The following TOX3 variants were observed in gnomAD, a reference collection of about 807,000 sequenced individuals.
The protein encoded by TOX3 is TOX high mobility group box family member 3.
Under a neutral mutation model 64.3 loss-of-function variants are expected in TOX3, and 22 were observed. The ratio of observed to expected loss-of-function variants is 0.34; its 90% CI spans 0.24 to 0.49. The LOEUF (loss-of-function observed/expected upper bound fraction) is 0.49, where lower values mean the gene tolerates loss of function less well. Among genes scored for constraint, TOX3 ranks in the 20% least tolerant of loss-of-function variants. The pLI, the probability that TOX3 is intolerant of heterozygous loss-of-function variation, is 0.99. For missense variants in TOX3, 661 were observed against 714.4 expected, an observed-to-expected ratio of 0.93 and a Z score of 0.85; for synonymous variants, 291 against 273.6, an observed-to-expected ratio of 1.06 and a Z score of -0.63.
intron 1 of TOX3, among the ~76,000 whole-genome samples, chr16:52,491,443 T>G (rs946192330): frequency 6.6e-6 from 1 of 152,196 alleles, no homozygotes; most frequent in African/African-American, 2.4e-5. Flanking sequence ...CTGTGTTAAA[T>G]AAATGGGAGT....
intron 1 of TOX3, among the ~76,000 whole-genome samples, chr16:52,529,881 T>C (rs1353117694): frequency 6.6e-6 from 1 of 152,174 alleles, no homozygotes; most frequent in Non-Finnish European, 1.5e-5. Flanking sequence ...CTCATAATCC[T>C]CTCAATACAA....
chr16:52,529,432 C>T (rs1416164180), intron 1 of TOX3, among the ~76,000 whole-genome samples: 1 of 152,132 alleles, frequency 6.6e-6, no homozygotes. Context: ...CAAACATAGT[C>T]ATTGTACTTA....
intron 1 of TOX3, among the ~76,000 whole-genome samples, chr16:52,469,951 T>C (rs1434854896): frequency 6.6e-6 from 1 of 152,178 alleles, no homozygotes; most frequent in Non-Finnish European, 1.5e-5. Context: ...CACACCGAAA[T>C]GCACATACAA....
Position 52,436,788 on chromosome 16 carries a change from A to C in TOX3, c.*2437T>G, listed in dbSNP as rs1474597926. On this transcript the variant is annotated 3_prime_UTR_variant, in exon 7 of 7. Coordinates refer to ENST00000219746, the MANE Select transcript of TOX3 (RefSeq NM_001080430.4). ...TGTTACAACACCTGCTTCTAACTGC[A>C]AACAGTTGAAAACAGACTTCACTTG... 6.6e-6 allele frequency: 1 copy of C among 152,246 alleles called. No homozygotes were observed. Among genetic ancestry groups the C allele is most frequent in the Non-Finnish European group, 1.5e-5 (1 of 68,036 alleles). The allele number at this position is 152,246 out of a possible 1,614,324, so 9.4% of individuals were successfully genotyped here.
rs946379218 is a variant in TOX3, at chr16:52,546,970, G to C, written c.-247C>G. 6.1e-6 allele frequency: 6 copies of C among 978,920 alleles called. No individual in the cohort carries two copies. Among genetic ancestry groups the C allele is most frequent in the Non-Finnish European group, 7.3e-6 (6 of 827,298 alleles). 60.6% of individuals were successfully genotyped at this position (978,920 alleles called of 1,614,324 possible). On this transcript the variant is annotated 5_prime_UTR_variant, in exon 1 of 7. Transcript: ENST00000219746. ...GGGGGACGCGCCCCGCCGGGGCACC[G>C]AGGCAGCGCTGCGCGCGGGCCGGGC...
chr16:52,461,556 G>A (rs542003895), intron 3 of TOX3, among the ~76,000 whole-genome samples: 1 of 152,200 alleles, frequency 6.6e-6, no homozygotes, highest in South Asian at 2.1e-4. Flanking sequence ...AAGGAAAACC[G>A]ATGAAGCTCT....
At chr16:52,472,501 T>C (rs551191553) in intron 1 of TOX3, among the ~76,000 whole-genome samples, 1 of 152,188 alleles carries the variant, frequency 6.6e-6, no homozygotes, top group African/African-American at 2.4e-5. Flanking sequence ...TTAATATGAA[T>C]CAACTAAATA....
intron 1 of TOX3, among the ~76,000 whole-genome samples, chr16:52,485,246 G>GCATATATATA (rs1555484131): frequency 9.4e-5 from 12 of 127,890 alleles, no homozygotes; most frequent in African/African-American, 4.0e-4. Context: ...ATGTGTGTGT[G>GCATATATATA]TATATATATA....
At position 52,438,010 on chromosome 16, in the gene TOX3, T is replaced by A. The variant is rs1461321458; in HGVS notation, c.*1215A>T. On this transcript the variant is annotated 3_prime_UTR_variant, in exon 7 of 7. Coordinates refer to ENST00000219746, the MANE Select transcript of TOX3 (RefSeq NM_001080430.4). ...TGTATTCAAGGAACCAAAAATGAAATCTGACATATCATTTTATTTGAAAAG... is the reference window on the plus strand; with the variant it reads ...TGTATTCAAGGAACCAAAAATGAAAACTGACATATCATTTTATTTGAAAAG... The A allele has an allele frequency of 6.6e-6, 1 of 152,640 alleles. No individual in the cohort carries two copies. Among genetic ancestry groups the A allele is most frequent in the African/African-American group, 2.4e-5 (1 of 41,462 alleles). 9.5% of individuals were successfully genotyped at this position (152,640 alleles called of 1,614,324 possible). A position where few individuals can be genotyped will look rare whatever the true frequency, so the allele number is the denominator to read the frequency against.
intron 1 of TOX3, among the ~76,000 whole-genome samples, chr16:52,469,469 C>T (rs1489509151): frequency 1.3e-5 from 2 of 152,090 alleles, no homozygotes; most frequent in African/African-American, 2.4e-5. Flanking sequence ...TAATCTAGAG[C>T]TATATTATTT....
At chr16:52,472,287 T>C (rs1412196536) in intron 1 of TOX3, among the ~76,000 whole-genome samples, 1 of 152,112 alleles carries the variant, frequency 6.6e-6, no homozygotes, top group African/African-American at 2.4e-5. Flanking sequence ...AAGCTTACAT[T>C]TTTCTTAAAG....
At chr16:52,504,013 G>C (rs1180684831) in intron 1 of TOX3, among the ~76,000 whole-genome samples, 2 of 152,128 alleles carry the variant, frequency 1.3e-5, no homozygotes, top group East Asian at 3.9e-4. Flanking sequence ...AGCATGAGAT[G>C]AGATATTTAA....
At chr16:52,524,005 A>G (rs992574647) in intron 1 of TOX3, among the ~76,000 whole-genome samples, 2 of 152,224 alleles carry the variant, frequency 1.3e-5, no homozygotes, top group African/African-American at 4.8e-5. Context: ...GTTTTCTTCA[A>G]AATTAACATT....
At chr16:52,466,515 A>G (rs900848066) in intron 2 of TOX3, among the ~76,000 whole-genome samples, 1 of 152,216 alleles carries the variant, frequency 6.6e-6, no homozygotes, top group African/African-American at 2.4e-5. Flanking sequence ...GGCACGTGCT[A>G]TAATGTAGCA....
chr16:52,522,354 T>C (rs1421370129), intron 1 of TOX3, among the ~76,000 whole-genome samples: 1 of 152,130 alleles, frequency 6.6e-6, no homozygotes, highest in African/African-American at 2.4e-5. Context: ...CATTTAAAAA[T>C]GTTAAAATAT....
chr16:52,447,224 A>G (rs1960189078), intron 4 of TOX3, among the ~76,000 whole-genome samples: 1 of 152,222 alleles, frequency 6.6e-6, no homozygotes. Flanking sequence ...ATCGAAGATA[A>G]TTTTGCAGTT....
intron 1 of TOX3, among the ~76,000 whole-genome samples, chr16:52,544,899 G>T (rs904171839): frequency 6.6e-6 from 1 of 152,200 alleles, no homozygotes; most frequent in East Asian, 1.9e-4. Context: ...TCATTCGAGT[G>T]TTGCAGATCT....
intron 1 of TOX3, among the ~76,000 whole-genome samples, chr16:52,532,437 A>G (rs1216461498): frequency 6.6e-6 from 1 of 152,236 alleles, no homozygotes; most frequent in African/African-American, 2.4e-5. Flanking sequence ...GGTGAAAGAT[A>G]CATGCCAGAG....
chr16:52,443,905 A>G (rs1158766237), intron 6 of TOX3, among the ~76,000 whole-genome samples: 4 of 152,184 alleles, frequency 2.6e-5, no homozygotes, highest in Admixed American at 2.0e-4. Context: ...CCACAGGAGA[A>G]TTTATAATAT....
Sources: gnomAD v4.1 joint callset for allele counts (sites outside exome capture counted in the v4.1 genomes callset) on GRCh38, gnomAD v4.1.1 for gene constraint, MANE v1.5 for transcripts, NCBI Gene and HGNC (gene_info 2026-07-23, HGNC 2026-07-21) for gene names.